Variants in FASN observed in about 807,000 individuals in gnomAD.
FASN encodes fatty acid synthase, also known as 3-hydroxyacyl-[acyl-carrier-protein] dehydratase.
Under a neutral mutation model 250.0 loss-of-function variants are expected in FASN, and 50 were observed. That is an observed-to-expected ratio of 0.20 (90% CI 0.16 to 0.25). The LOEUF (loss-of-function observed/expected upper bound fraction) is 0.25. Ranked by LOEUF, FASN falls within the 10% of genes least tolerant of loss-of-function variation. FASN has a pLI of 1.00. For synonymous variants in FASN, 1,909 were observed against 1,584.0 expected (o/e 1.21, Z -4.87); for missense variants, 3,031 against 3,498.5 (o/e 0.87, Z 3.37).
Position 82,081,991 on chromosome 17 carries a change from G to A in FASN, c.6163+18C>T. 2.5e-6 allele frequency: 4 copies of A among 1,602,568 alleles called. No homozygotes were observed. The highest frequency in any genetic ancestry group is 3.4e-6 in the Non-Finnish European group (4 of 1,178,906). On this transcript the variant is annotated intron_variant, in intron 36 of 42. Transcript: ENST00000306749. ...GAGGGCAGGGTGGGCAGGGTCGAGG[G>A]GAGAGGGTGGGGCCCACCTGGGAGG...
At chr17:82,090,192 GGT>G (rs2034177343) in intron 11 of FASN, among the ~76,000 whole-genome samples, 181 bp downstream of exon 11, 1 of 152,232 alleles carries the variant, frequency 6.6e-6, no homozygotes. Context: ...AAGGCTGCCA[GGT>G]GTGGGGCCAG....
chr17:82,079,215 G>T lies in FASN; in HGVS notation c.7464C>A (p.Ser2488Arg). 6.2e-7 allele frequency: 1 copy of T among 1,612,974 alleles called. No homozygotes were observed. The highest frequency in any genetic ancestry group is 8.5e-7 in the Non-Finnish European group (1 of 1,179,964). The change falls in exon 43 of 43, where the codon AGC becomes AGA. Residue 2488 changes from serine to arginine, a missense_variant. Transcript: ENST00000306749. The part of the protein sequence containing the change: ...EGDHRTLLEG[S>R]GLESIISIIH... Reference sequence around the variant, plus strand: ...TGATGCTGATGATGGACTCCAGGCCGCTGCCCTCCAGCAGCGTGCGGTGGT... The same window carrying T: ...TGATGCTGATGATGGACTCCAGGCCTCTGCCCTCCAGCAGCGTGCGGTGGT...
At chr17:82,093,896 TCCCAGTGGGA>T in intron 3 of FASN, 125 bp from the exon 4 acceptor site, 2 of 983,736 alleles carry the variant, frequency 2.0e-6, no homozygotes, top group Non-Finnish European at 3.0e-6. Context: ...GGGGGGTCCA[TCCCAGTGGGA>T]CCCTGGAAGG....
In FASN at chr17:82,086,235, C is replaced by A. The variant is rs1376786306; in HGVS notation, c.3732+19G>T. 6 of 1,546,446 alleles carry A rather than the reference C, an allele frequency of 3.9e-6. No individual in the cohort carries two copies. Among genetic ancestry groups the A allele is most frequent in the Non-Finnish European group, 5.2e-6 (6 of 1,152,706 alleles). Reference sequence around the variant, plus strand: ...TACCATGTCCGGGGCAGAGGCCTGGCTGCCCAGGAGGCACCCACCTCCACC... The same window carrying A: ...TACCATGTCCGGGGCAGAGGCCTGGATGCCCAGGAGGCACCCACCTCCACC... On this transcript the variant is annotated intron_variant, in intron 22 of 42. Transcript: ENST00000306749.
Position 82,093,352 on chromosome 17 carries a change from G to A in FASN, c.522C>T (p.Ala174=), listed in dbSNP as rs1269455836. The change falls in exon 5 of 43, where the codon GCC becomes GCT. Residue 174 remains alanine (A), a synonymous_variant. Transcript: ENST00000306749. ...CGGCAGGGCACTGCCCGCTGTGGAT[G>A]GCCTGGTAGGCGTTCTGCAGGGCCA... ...SLMALQNAYQ[A]IHSGQCPAAI... is the part of the protein sequence containing the mutation. 6.2e-7 allele frequency: 1 copy of A among 1,603,422 alleles called. No individual in the cohort carries two copies. The highest frequency in any genetic ancestry group is 1.1e-5 in the South Asian group (1 of 89,126).
chr17:82,091,788 A>T, intron 8 of FASN, 104 bp from the exon 9 acceptor site: 2 of 1,084,510 alleles, frequency 1.8e-6, no homozygotes, highest in Non-Finnish European at 2.6e-6. Context: ...CCAGGGTTCC[A>T]GGGCCCTCTC....
chr17:82,091,736 C>T, intron 8 of FASN, 52 bp from the exon 9 acceptor site: 1 of 1,487,008 alleles, frequency 6.7e-7, no homozygotes. Context: ...CTACCACTGC[C>T]TGAGCTGGGG....
rs1438367361 is a variant in FASN, at chr17:82,085,302, G to A, written c.4223C>T (p.Pro1408Leu). 1.9e-6 allele frequency: 3 copies of A among 1,611,262 alleles called. No homozygotes were observed. The highest frequency in any genetic ancestry group is 2.7e-5 in the African/African-American group (2 of 75,036). Reference protein sequence around the residue: ...STLFLCRRPTPQDSPIFLPVD... With the variant: ...STLFLCRRPTLQDSPIFLPVD... ...CGGCAGGAAGATGGGGCTGTCCTGC[G>A]GGGTGGGCCGGCGGCACAGGAAGAG... The change falls in exon 24 of 43, where the codon CCG (proline) becomes CTG (leucine). Residue 1408 changes from proline (P) to leucine (L), a missense_variant. Transcript: ENST00000306749.
In FASN at chr17:82,080,311, G is replaced by A. The variant is rs2033963832; in HGVS notation, c.7047+59C>T. 14 of 1,610,894 alleles carry A rather than the reference G, an allele frequency of 8.7e-6. No homozygotes were observed. In the South Asian group the frequency reaches 1.3e-4, roughly 15 times the overall value. On this transcript the variant is annotated intron_variant, in intron 40 of 42. Transcript: ENST00000306749. ...CTAAGCGACGGTCCCCCAAAGCCAG[G>A]GCACAGGTGGGGAGCCCAGACGTTT...
rs768452077 is a variant in FASN at position 82,083,574 on chromosome 17, T to C, written c.5284A>G (p.Thr1762Ala). The change falls in exon 31 of 43, where the codon ACG becomes GCG. Residue 1762 changes from threonine to alanine, a missense_variant. Physicochemically the swap from Thr to Ala is moderately conservative, Grantham distance 58. Coordinates refer to ENST00000306749, the MANE Select transcript of FASN (RefSeq NM_004104.5). ...KLQASVRCLA[T>A]HGRFLEIGKF... ...CCAATTTCCAGGAAGCGACCGTGCG[T>C]AGCCAAGCACCTCACGCTGGCCTGC... is the stretch of plus-strand genomic sequence containing the variant. 1.9e-6 allele frequency: 3 copies of C among 1,612,750 alleles called. No individual in the cohort carries two copies. The East Asian group carries it at 6.7e-5, about 36-fold the overall frequency.
rs1287249557 is a variant in FASN at position 82,085,220 on chromosome 17, G to T, written c.4287+18C>A. On this transcript the variant is annotated intron_variant, in intron 24 of 42. Coordinates refer to ENST00000306749, the MANE Select transcript of FASN (RefSeq NM_004104.5). The stretch of plus-strand genomic sequence containing the variant: ...GTTGGGAGGTGGGGTGGGGCCTGGA[G>T]GTGGGGCAGGGCCTGACCTTCAGAG... The T allele has an allele frequency of 6.2e-7, 1 of 1,612,222 alleles. No homozygotes were observed.
Position 82,079,101 on chromosome 17 carries a change from G to A in FASN, c.*42C>T. 6.3e-7 allele frequency: 1 copy of A among 1,581,838 alleles called. No individual in the cohort carries two copies. Among genetic ancestry groups the A allele is most frequent in the Non-Finnish European group, 8.6e-7 (1 of 1,169,548 alleles). ...GGCGGGGGTGGGGTGGGGTGGGGTG[G>A]GGATGGTGGAGTGACCTCCGGTGGC... On this transcript the variant is annotated 3_prime_UTR_variant, in exon 43 of 43. Coordinates refer to ENST00000306749, the MANE Select transcript of FASN (RefSeq NM_004104.5).
chr17:82,096,583 C>A, intron 1 of FASN, 131 bp from the exon 2 acceptor site: 2 of 1,356,234 alleles, frequency 1.5e-6, no homozygotes, highest in Non-Finnish European at 2.1e-6. Flanking sequence ...GGCCCTGGCT[C>A]CTGCGGCTCC....
intron 12 of FASN, 120 bp from the exon 13 acceptor site, chr17:82,089,504 G>A (rs2034164432): frequency 3.2e-6 from 5 of 1,575,556 alleles, no homozygotes; most frequent in African/African-American, 1.4e-5. Flanking sequence ...GGGACCTGAG[G>A]ACAAACCTGC....
In FASN at chr17:82,083,069, T is replaced by C. The variant is rs761078198; in HGVS notation, c.5612A>G (p.Lys1871Arg). The change falls in exon 33 of 43, where the codon AAG becomes AGG. Residue 1871 changes from lysine (K) to arginine (R), a missense_variant. By Grantham distance (26) the Lys-to-Arg change is conservative. Transcript: ENST00000306749. ...GGTCTTGGAGATGGCCGACATCAGC[T>C]TGGGTTTGGCCCCCTTCAGCACTGC... is the stretch of plus-strand genomic sequence containing the variant. ...PEAVLKGAKP[K>R]LMSAISKTFC... is the part of the protein sequence containing the mutation. The C allele has an allele frequency of 3.1e-6, 5 of 1,612,158 alleles. No individual in the cohort carries two copies. The highest frequency in any genetic ancestry group is 1.3e-5 in the African/African-American group (1 of 75,044).
At position 82,095,359 on chromosome 17, in the gene FASN, G is replaced by C. The variant is rs1289385655; in HGVS notation, c.241C>G (p.Leu81Val). The change falls in exon 3 of 43, where the codon CTG becomes GTG. Residue 81 changes from leucine to valine, a missense_variant. By Grantham distance (32) the Leu-to-Val change is conservative. Coordinates refer to ENST00000306749, the MANE Select transcript of FASN (RefSeq NM_004104.5). Reference protein sequence around the residue: ...QAHTMDPQLRLLLEVTYEAIV... With the variant: ...QAHTMDPQLRVLLEVTYEAIV... ...GCTTCATAGGTGACTTCCAGCAGCA[G>C]CCGCAGCTGAGGGTCCATCGTGTGT... The C allele has an allele frequency of 6.2e-7, 1 of 1,612,960 alleles. No individual in the cohort carries two copies. Among genetic ancestry groups the C allele is most frequent in the East Asian group, 2.2e-5 (1 of 44,888 alleles).
chr17:82,084,081 C>T lies in FASN; in HGVS notation c.4992G>A (p.Arg1664=), dbSNP rs2034042521. ...TAYYALVVRG[R]VRPGETLLIH... is the part of the protein sequence containing the mutation. ...TGAGCAGCGTCTCCCCGGGGCGCAC[C>T]CGCCCACGCACCACCAGCGCGTAGT... Residue 1664 remains arginine (R), a synonymous_variant, in exon 29 of 43, where the codon CGG becomes CGA. Transcript: ENST00000306749. 1 of 1,557,474 alleles carries T rather than the reference C, an allele frequency of 6.4e-7. No homozygotes were observed. Among genetic ancestry groups the T allele is most frequent in the Non-Finnish European group, 8.7e-7 (1 of 1,152,340 alleles).
chr17:82,079,648 C>T (rs546167676), intron 41 of FASN, 40 bp from the exon 42 acceptor site: 7 of 1,596,134 alleles, frequency 4.4e-6, no homozygotes, highest in East Asian at 2.2e-5. Context: ...GCAGCACCCA[C>T]AGCACCGGCC....
intron 3 of FASN, among the ~76,000 whole-genome samples, chr17:82,094,595 C>G (rs1229839433): frequency 6.6e-6 from 1 of 151,860 alleles, no homozygotes; most frequent in South Asian, 2.1e-4. Context: ...TCGAGACCAT[C>G]CTGGCAAACA....
Sources: gnomAD v4.1 joint callset for allele counts (sites outside exome capture counted in the v4.1 genomes callset) on GRCh38, gnomAD v4.1.1 for gene constraint, MANE v1.5 for transcripts, NCBI Gene and HGNC (gene_info 2026-07-23, HGNC 2026-07-21) for gene names.